Variants in PTPRD observed in about 807,000 individuals in gnomAD.
The protein encoded by PTPRD is protein tyrosine phosphatase receptor type D.
PTPRD carries 34 observed loss-of-function variants against 214.5 expected under a neutral mutation model. The ratio of observed to expected loss-of-function variants is 0.16; its 90% CI spans 0.12 to 0.21. The LOEUF (loss-of-function observed/expected upper bound fraction) is 0.21, where lower values mean the gene tolerates loss of function less well. Among genes scored for constraint, PTPRD ranks in the 10% least tolerant of loss-of-function variants. The probability of loss-of-function intolerance (pLI) is 1.00; values close to 1 mark genes in which losing one functional copy is unlikely to be tolerated. For synonymous variants in PTPRD, 1,128 were observed against 845.7 expected (o/e 1.33, Z -5.79); for missense variants, 2,545 against 2,398.7 (o/e 1.06, Z -1.27).
intron 7 of PTPRD, among the ~76,000 whole-genome samples, chr9:9,660,952 G>T (rs958449919): frequency 2.0e-5 from 3 of 151,970 alleles, no homozygotes; most frequent in Non-Finnish European, 4.4e-5. Flanking sequence ...ATAACCAGAA[G>T]TTGTGAAGAT....
At chr9:9,401,246 T>C (rs1391518429) in intron 8 of PTPRD, among the ~76,000 whole-genome samples, 1 of 152,218 alleles carries the variant, frequency 6.6e-6, no homozygotes, top group South Asian at 2.1e-4. Flanking sequence ...CATACATGCA[T>C]ACATAATAAT....
intron 8 of PTPRD, among the ~76,000 whole-genome samples, chr9:9,429,437 A>C (rs896194816): frequency 1.3e-5 from 2 of 152,286 alleles, no homozygotes; most frequent in African/African-American, 4.8e-5. Flanking sequence ...AAAGTCCATG[A>C]CCAGATGGAT....
At chr9:9,230,061 G>A (rs1448661475) in intron 9 of PTPRD, among the ~76,000 whole-genome samples, 3 of 151,938 alleles carry the variant, frequency 2.0e-5, no homozygotes, top group Non-Finnish European at 4.4e-5. Context: ...ACTCAATATG[G>A]TATAATAAAC....
In PTPRD at chr9:8,527,458, A is replaced by G. The variant is rs2074482885; in HGVS notation, c.542-105T>C. 7.2e-6 allele frequency: 7 copies of G among 965,820 alleles called. No homozygotes were observed. In the South Asian group the frequency reaches 1.0e-4, roughly 14 times the overall value. 59.8% of individuals were successfully genotyped at this position (965,820 alleles called of 1,614,324 possible). ...GAGTTAAAGCTTTATATACTAAATC[A>G]TCTATGTTACATGTGAATAATTAAT... On this transcript the variant is annotated intron_variant, in intron 15 of 45. Coordinates refer to ENST00000381196, the MANE Select transcript of PTPRD (RefSeq NM_002839.4).
intron 5 of PTPRD, among the ~76,000 whole-genome samples, chr9:9,781,866 C>T (rs558021113): frequency 6.6e-6 from 1 of 151,448 alleles, no homozygotes; most frequent in East Asian, 1.9e-4. Context: ...AATCTCGGCT[C>T]GCTGCAAGCT....
At chr9:10,323,179 TTTTC>T (rs1326290326) in intron 3 of PTPRD, among the ~76,000 whole-genome samples, 2 of 149,874 alleles carry the variant, frequency 1.3e-5, no homozygotes, top group East Asian at 4.0e-4. Context: ...TCTCTCTTTC[TTTTC>T]TTTTTCTTTC....
chr9:8,376,857 T>G, intron 37 of PTPRD, 131 bp from the exon 38 acceptor site: 1 of 1,240,826 alleles, frequency 8.1e-7, no homozygotes, highest in Admixed American at 2.3e-5. Flanking sequence ...TGGCATGCAT[T>G]TTTGTTATCC....
chr9:9,743,731 TAC>T (rs4008087), intron 6 of PTPRD, among the ~76,000 whole-genome samples: 1,107 of 80,374 alleles, frequency 0.014, 8 homozygotes, highest in Middle Eastern at 0.026. Flanking sequence ...ACTCAGTCTA[TAC>T]ACACACACAC....
At chr9:10,054,994 A>AAAGAAAGAAAG (rs1567356738) in intron 3 of PTPRD, among the ~76,000 whole-genome samples, 10 of 145,832 alleles carry the variant, frequency 6.9e-5, no homozygotes, top group Non-Finnish European at 1.4e-4. Flanking sequence ...AAGAAAGAAA[A>AAAGAAAGAAAG]AAAGAAAGAA....
At chr9:8,884,496 G>A (rs1256948023) in intron 11 of PTPRD, among the ~76,000 whole-genome samples, 1 of 152,184 alleles carries the variant, frequency 6.6e-6, no homozygotes, top group African/African-American at 2.4e-5. Flanking sequence ...TGGACTAAGT[G>A]ATGAGACTAG....
chr9:9,336,496 C>T (rs939114698), intron 9 of PTPRD, among the ~76,000 whole-genome samples: 2 of 152,048 alleles, frequency 1.3e-5, no homozygotes, highest in Non-Finnish European at 2.9e-5. Flanking sequence ...GTTCTTTACT[C>T]CAGGACCAAT....
At chr9:9,202,162 A>G (rs1033517392) in intron 9 of PTPRD, among the ~76,000 whole-genome samples, 18 of 152,196 alleles carry the variant, frequency 1.2e-4, no homozygotes, top group African/African-American at 4.3e-4. Context: ...GTGTTTGGAA[A>G]GCCTAGACAG....
At chr9:10,399,462 C>A (rs2098233041) in intron 2 of PTPRD, among the ~76,000 whole-genome samples, 1 of 151,910 alleles carries the variant, frequency 6.6e-6, no homozygotes, top group Non-Finnish European at 1.5e-5. Context: ...ATACAACAAA[C>A]ACTGAGTTCC....
intron 9 of PTPRD, among the ~76,000 whole-genome samples, chr9:9,364,634 G>C (rs529741058): frequency 1.5e-4 from 23 of 151,464 alleles, no homozygotes; most frequent in South Asian, 2.1e-4. Context: ...CAGAAAGAAA[G>C]AGGAAAGTTA....
intron 9 of PTPRD, among the ~76,000 whole-genome samples, chr9:9,264,425 T>C (rs550516127): frequency 6.6e-5 from 10 of 151,580 alleles, no homozygotes; most frequent in Non-Finnish European, 1.3e-4. Flanking sequence ...GCATACTTAA[T>C]GAAGTAGAAG....
At chr9:10,237,250 A>G (rs919193482) in intron 3 of PTPRD, among the ~76,000 whole-genome samples, 1 of 151,902 alleles carries the variant, frequency 6.6e-6, no homozygotes, top group Non-Finnish European at 1.5e-5. Flanking sequence ...TCCAAAAAGA[A>G]AAAAATAGTC....
chr9:8,847,469 T>C (rs908917515), intron 11 of PTPRD, among the ~76,000 whole-genome samples: 4 of 152,182 alleles, frequency 2.6e-5, no homozygotes, highest in Non-Finnish European at 4.4e-5. Context: ...AATAGGCCAG[T>C]GTATGCATGT....
At chr9:10,288,534 A>G (rs1267050234) in intron 3 of PTPRD, among the ~76,000 whole-genome samples, 1 of 152,230 alleles carries the variant, frequency 6.6e-6, no homozygotes, top group African/African-American at 2.4e-5. Context: ...AAAAATCTGC[A>G]ATATCTAAAA....
At chr9:8,888,987 T>C (rs1275928587) in intron 11 of PTPRD, among the ~76,000 whole-genome samples, 7 of 152,214 alleles carry the variant, frequency 4.6e-5, no homozygotes, top group East Asian at 1.9e-4. Context: ...AACTGTAATA[T>C]TGAATGTAAA....
Sources: allele counts gnomAD v4.1 joint callset (sites outside exome capture counted in the v4.1 genomes callset), GRCh38; gene constraint gnomAD v4.1.1; transcripts MANE v1.5; gene names NCBI Gene and HGNC (gene_info 2026-07-23, HGNC 2026-07-21).